L2HGDH: variants seen among roughly 807,000 people sequenced by gnomAD.
The protein encoded by L2HGDH is L-2-hydroxyglutarate dehydrogenase, mitochondrial.
A neutral mutation model predicts 51.5 loss-of-function variants in L2HGDH; 34 were observed. The ratio of observed to expected loss-of-function variants is 0.66; its 90% CI spans 0.50 to 0.88. The LOEUF is 0.88. Ranked by LOEUF, L2HGDH falls within the 40% of genes least tolerant of loss-of-function variation. The pLI is 0.00. For missense variants in L2HGDH, 558 were observed against 571.9 expected, an observed-to-expected ratio of 0.98 and a Z score of 0.25; for synonymous variants, 198 against 197.9, an observed-to-expected ratio of 1.00 and a Z score of -0.01.
chr14:50,250,155 G>A (rs1412631833), intron 9 of L2HGDH, among the ~76,000 whole-genome samples: 1 of 152,294 alleles, frequency 6.6e-6, no homozygotes, highest in Non-Finnish European at 1.5e-5. Context: ...ACCCGTCTTG[G>A]CCTTCCAAAG....
chr14:50,245,724 T>C lies in L2HGDH; in HGVS notation c.*1334A>G, dbSNP rs772807385. On this transcript the variant is annotated 3_prime_UTR_variant, in exon 10 of 10. Transcript: ENST00000267436. The stretch of plus-strand genomic sequence containing the variant: ...GCTTAGGTAGCGTAATGCTAAAAAA[T>C]TGATTTAAGGAAATAATCTATTTTT... 2.8e-5 allele frequency: 28 copies of C among 985,248 alleles called. No homozygotes were observed. Among genetic ancestry groups the C allele is most frequent in the Non-Finnish European group, 3.4e-5 (28 of 829,800 alleles). The allele number at this position is 985,248 out of a possible 1,614,324, so 61.0% of individuals were successfully genotyped here.
chr14:50,262,908 T>C (rs773238694), intron 9 of L2HGDH, among the ~76,000 whole-genome samples: 2 of 152,226 alleles, frequency 1.3e-5, no homozygotes, highest in Non-Finnish European at 2.9e-5. Context: ...TGTGATTGGG[T>C]TGAATTTGTC....
At chr14:50,304,224 T>C (rs1453615150) in intron 1 of L2HGDH, among the ~76,000 whole-genome samples, 1 of 152,100 alleles carries the variant, frequency 6.6e-6, no homozygotes, top group African/African-American at 2.4e-5. Flanking sequence ...ACAGAAAAAA[T>C]ATGGTATTAT....
chr14:50,282,303 T>C (rs1242957609), intron 5 of L2HGDH: 1 of 379,042 alleles, frequency 2.6e-6, no homozygotes, highest in African/African-American at 2.1e-5. Flanking sequence ...AGAAACCCTT[T>C]CCTAGACCTC....
At chr14:50,299,167 A>T (rs2030258460) in intron 3 of L2HGDH, among the ~76,000 whole-genome samples, 1 of 152,212 alleles carries the variant, frequency 6.6e-6, no homozygotes, top group Non-Finnish European at 1.5e-5. Flanking sequence ...AGTAATTCAA[A>T]AAATTGTTAA....
At chr14:50,249,380 C>T (rs1485968935) in intron 9 of L2HGDH, among the ~76,000 whole-genome samples, 2 of 152,130 alleles carry the variant, frequency 1.3e-5, no homozygotes, top group African/African-American at 4.8e-5. Flanking sequence ...AAGGCAGCTG[C>T]AATAGAAGTG....
chr14:50,269,351 A>G (rs1386106388), intron 6 of L2HGDH, 21 bp from the exon 7 acceptor site: 1 of 1,610,262 alleles, frequency 6.2e-7, no homozygotes, highest in South Asian at 1.1e-5. Flanking sequence ...ATAAAAGAAC[A>G]GTTATTTGTA....
rs1238839531 is a variant in L2HGDH, at chr14:50,265,263, C to T, written c.1196+95G>A. ...AAAATTCAGTGCATATGCAGACTGA[C>T]TCTGAAATGGTACTTACTAATCACC... On this transcript the variant is annotated intron_variant, in intron 9 of 9. Coordinates refer to ENST00000267436, the MANE Select transcript of L2HGDH (RefSeq NM_024884.3). 1.3e-5 allele frequency: 14 copies of T among 1,064,574 alleles called. No individual in the cohort carries two copies. In the African/African-American group the frequency reaches 1.4e-4, roughly 11 times the overall value. 65.9% of individuals were successfully genotyped at this position (1,064,574 alleles called of 1,614,324 possible).
chr14:50,258,310 G>C (rs975714903), intron 9 of L2HGDH, among the ~76,000 whole-genome samples: 2 of 151,720 alleles, frequency 1.3e-5, no homozygotes, highest in Non-Finnish European at 2.9e-5. Context: ...TGACCTCCCA[G>C]ATTCAAGCAA....
At chr14:50,295,841 C>T (rs542025865) in intron 3 of L2HGDH, among the ~76,000 whole-genome samples, 5 of 150,816 alleles carry the variant, frequency 3.3e-5, no homozygotes, top group Middle Eastern at 3.4e-3. Flanking sequence ...CAGGTTCAAA[C>T]GATTCTCCTG....
chr14:50,275,456 T>G (rs1243417693), intron 6 of L2HGDH, among the ~76,000 whole-genome samples: 2 of 152,262 alleles, frequency 1.3e-5, no homozygotes, highest in East Asian at 3.8e-4. Flanking sequence ...ATAATGCTTC[T>G]GCCAAAGCCA....
chr14:50,259,366 G>GT lies in L2HGDH; in HGVS notation c.1196+5991dup, dbSNP rs34041934. Among the ~76,000 whole-genome samples the GT allele has an allele frequency of 4.6e-3, 602 of 130,654 alleles. 6 individuals are homozygous for GT. Among genetic ancestry groups the GT allele is most frequent in the African/African-American group, 0.014 (483 of 35,010 alleles). 85.7% of individuals were successfully genotyped at this position (130,654 alleles called of 152,430 possible). A position where few individuals can be genotyped will look rare whatever the true frequency, so the allele number is the denominator to read the frequency against. On this transcript the variant is annotated intron_variant, in intron 9 of 9. Transcript: ENST00000267436. ...TTCTTTCTGTTTTTTTTCTTTTTCG[G>GT]TTTTTTTTTTTTTTTTTTCAGAAAT...
At chr14:50,283,806 C>T (rs1890408697) in intron 5 of L2HGDH, 65 bp downstream of exon 5, 11 of 1,434,172 alleles carry the variant, frequency 7.7e-6, no homozygotes, top group East Asian at 2.3e-5. Context: ...GTTAAAACCA[C>T]AGATGCAAAA....
In L2HGDH at chr14:50,244,456, C is replaced by T; in HGVS notation, c.*2602G>A. ...ACAACTTAGTATGTATGCAATCGTA[C>T]TACTGACAAAATACAGAATGATAAT... On this transcript the variant is annotated 3_prime_UTR_variant, in exon 10 of 10. Transcript: ENST00000267436. The T allele has an allele frequency of 1.0e-6, 1 of 985,206 alleles. No individual in the cohort carries two copies. Among genetic ancestry groups the T allele is most frequent in the Non-Finnish European group, 1.2e-6 (1 of 829,756 alleles). The allele number at this position is 985,206 out of a possible 1,614,324, so 61.0% of individuals were successfully genotyped here. A position where few individuals can be genotyped will look rare whatever the true frequency, so the allele number is the denominator to read the frequency against.
At chr14:50,287,215 A>G in intron 4 of L2HGDH, 5 of 985,348 alleles carry the variant, frequency 5.1e-6, no homozygotes, top group Non-Finnish European at 6.0e-6. Context: ...TACAGAGAAC[A>G]ATATCCAGAC....
At chr14:50,280,355 T>C (rs1890199018) in intron 5 of L2HGDH, among the ~76,000 whole-genome samples, 1 of 152,038 alleles carries the variant, frequency 6.6e-6, no homozygotes, top group Middle Eastern at 3.2e-3. Flanking sequence ...TTAGTGGAGA[T>C]GGGTTTTACC....
Position 50,247,124 on chromosome 14 carries a change from A to G in L2HGDH, c.1326T>C (p.Ala442=), listed in dbSNP as rs1420446376. The change falls in exon 10 of 10, where the codon GCT becomes GCC. Residue 442 remains alanine, a synonymous_variant. Coordinates refer to ENST00000267436, the MANE Select transcript of L2HGDH (RefSeq NM_024884.3). ...CAGAAATTGCAATGGAAGAAGTAGCAGCAGGAGAAGGTGCATTTCTCACAT... is the reference window on the plus strand; with the variant it reads ...CAGAAATTGCAATGGAAGAAGTAGCGGCAGGAGAAGGTGCATTTCTCACAT... ...ILHVRNAPSP[A]ATSSIAISGM... 1 of 1,613,958 alleles carries G rather than the reference A, an allele frequency of 6.2e-7. No individual in the cohort carries two copies. The highest frequency in any genetic ancestry group is 8.5e-7 in the Non-Finnish European group (1 of 1,179,940).
At chr14:50,254,382 A>T (rs986244370) in intron 9 of L2HGDH, among the ~76,000 whole-genome samples, 1 of 152,118 alleles carries the variant, frequency 6.6e-6, no homozygotes, top group Non-Finnish European at 1.5e-5. Context: ...CATAGAACAC[A>T]AAAAGAAGGG....
chr14:50,245,534 A>T lies in L2HGDH; in HGVS notation c.*1524T>A, dbSNP rs1887955591. 2.1e-6 allele frequency: 2 copies of T among 969,170 alleles called. No individual in the cohort carries two copies. The highest frequency in any genetic ancestry group is 1.2e-6 in the Non-Finnish European group (1 of 815,166). 60.0% of individuals were successfully genotyped at this position (969,170 alleles called of 1,614,324 possible). A position where few individuals can be genotyped will look rare whatever the true frequency, so the allele number is the denominator to read the frequency against. On this transcript the variant is annotated 3_prime_UTR_variant, in exon 10 of 10. Coordinates refer to ENST00000267436, the MANE Select transcript of L2HGDH (RefSeq NM_024884.3). ...ATAATTAAGATAGAAACTTATTCAA[A>T]CTACTCAAAAATGTAAATTTTATGT...
Sources: allele counts gnomAD v4.1 joint callset (sites outside exome capture counted in the v4.1 genomes callset), GRCh38; gene constraint gnomAD v4.1.1; transcripts MANE v1.5; gene names NCBI Gene and HGNC (gene_info 2026-07-23, HGNC 2026-07-21).